Variants in NUMA1 observed in about 807,000 individuals in gnomAD.
NUMA1 encodes the protein SP-H antigen.
Under a neutral mutation model 237.1 loss-of-function variants are expected in NUMA1, and 62 were observed. The observed-to-expected ratio is 0.26, with a 90% CI of 0.21 to 0.32. NUMA1 has a LOEUF of 0.32. Ranked by LOEUF, NUMA1 falls within the 10% of genes least tolerant of loss-of-function variation. The pLI is 1.00. For synonymous variants in NUMA1, 1,028 were observed against 1,066.1 expected (o/e 0.96, Z 0.70); for missense variants, 2,533 against 2,666.5 (o/e 0.95, Z 1.10).
At chr11:72,012,325 A>C in intron 16 of NUMA1, 76 bp downstream of exon 16, 3 of 1,410,702 alleles carry the variant, frequency 2.1e-6, no homozygotes, top group Non-Finnish European at 3.0e-6. Context: ...GGCGGAGGCA[A>C]GCTGCAGCCG....
At position 72,007,420 on chromosome 11, in the gene NUMA1, G is replaced by T. The variant is rs1955810184; in HGVS notation, c.5232C>A (p.Thr1744=). The T allele has an allele frequency of 6.2e-7, 1 of 1,613,434 alleles. No individual in the cohort carries two copies. The highest frequency in any genetic ancestry group is 2.2e-5 in the East Asian group (1 of 44,886). ...CAGGGACGCTGGTGCCGTCTGGCTG[G>T]GTACGAGGCAGCTTGCTATGGAAAG... is the stretch of plus-strand genomic sequence containing the variant. ...PLSITSKLPR[T]QPDGTSVPGE... The change falls in exon 21 of 27, where the codon ACC becomes ACA. Residue 1744 remains threonine (T), a synonymous_variant. Transcript: ENST00000393695.
Position 72,022,409 on chromosome 11 carries a change from A to T in NUMA1, c.302T>A (p.Leu101Gln). The T allele has an allele frequency of 6.2e-7, 1 of 1,612,968 alleles. No individual in the cohort carries two copies. Among genetic ancestry groups the T allele is most frequent in the Non-Finnish European group, 8.5e-7 (1 of 1,179,276 alleles). ...GCTCATGGTAGAGTGGTATAAGAGC[A>T]GCATGGTCATCTAGAAGCCAAACAG... ...SELELAKMTM[L>Q]LLYHSTMSSK... Residue 101 changes from leucine to glutamine, a missense_variant, in exon 7 of 27, where the codon CTG becomes CAG. Leu to Gln is a moderately radical substitution (Grantham distance 113). Coordinates refer to ENST00000393695, the MANE Select transcript of NUMA1 (RefSeq NM_006185.4).
At chr11:72,008,088 C>T in intron 20 of NUMA1, 1 of 477,892 alleles carries the variant, frequency 2.1e-6, no homozygotes, top group Non-Finnish European at 4.2e-6. Flanking sequence ...CAGAATAAAC[C>T]TACCTCAGAG....
In NUMA1 at chr11:72,075,669, A is replaced by AAT. The variant is rs60048911; in HGVS notation, c.-103+4787_-103+4788dup. Among the ~76,000 whole-genome samples the AAT allele has an allele frequency of 5.2e-3, 793 of 152,330 alleles. 13 individuals carry two copies. Among genetic ancestry groups the AAT allele is most frequent in the African/African-American group, 0.017 (723 of 41,570 alleles). ...GCAGTTATTATATTGAAGTTACTTT[A>AAT]ATATTCCCTTTCTGCTTTTTCAGCC... On this transcript the variant is annotated intron_variant, in intron 1 of 26. Transcript: ENST00000393695.
intron 4 of NUMA1, 118 bp downstream of exon 4, chr11:72,029,087 C>G: frequency 1.4e-6 from 1 of 697,764 alleles, no homozygotes; most frequent in Non-Finnish European, 2.4e-6. Context: ...TTATGATGTC[C>G]CAATCCTTCC....
At chr11:72,047,404 C>T (rs1942062932) in intron 2 of NUMA1, among the ~76,000 whole-genome samples, 1 of 152,076 alleles carries the variant, frequency 6.6e-6, no homozygotes, top group African/African-American at 2.4e-5. Context: ...GGGAGGATTG[C>T]TTGAGTCCAG....
At chr11:72,010,494 GTAGC>G (rs998953451) in intron 17 of NUMA1, among the ~76,000 whole-genome samples, 1 of 152,242 alleles carries the variant, frequency 6.6e-6, no homozygotes, top group African/African-American at 2.4e-5. Flanking sequence ...GGGGCACAGT[GTAGC>G]TAGTGTGATT....
chr11:72,025,944 A>G (rs757277640), intron 4 of NUMA1, among the ~76,000 whole-genome samples: 23 of 152,186 alleles, frequency 1.5e-4, no homozygotes, highest in Non-Finnish European at 3.1e-4. Flanking sequence ...GTGTAGAGCA[A>G]TATTTACCTC....
chr11:72,033,408 A>G (rs965608757), intron 3 of NUMA1, among the ~76,000 whole-genome samples: 5 of 143,332 alleles, frequency 3.5e-5, no homozygotes, highest in African/African-American at 1.4e-4. Flanking sequence ...CTTTCACTCT[A>G]TTGTCCAGGC....
In NUMA1 at chr11:72,003,947, G is replaced by A; in HGVS notation, c.6276C>T (p.Thr2092=). 4 of 1,613,642 alleles carry A rather than the reference G, an allele frequency of 2.5e-6. No homozygotes were observed. The highest frequency in any genetic ancestry group is 3.4e-6 in the Non-Finnish European group (4 of 1,179,794). Residue 2092 remains threonine, a synonymous_variant, in exon 26 of 27, where the codon ACC becomes ACT. Coordinates refer to ENST00000393695, the MANE Select transcript of NUMA1 (RefSeq NM_006185.4). ...CAGCAGTGGCGGCGCTGGCTGTGGT[G>A]GTGGCAATGCGCGGAGAACGGCGGG... The part of the protein sequence containing the change: ...SGTRRSPRIA[T]TTASAATAAA...
intron 2 of NUMA1, chr11:72,048,046 TG>T (rs1228066046): frequency 6.6e-6 from 1 of 152,162 alleles, no homozygotes; most frequent in Non-Finnish European, 1.5e-5. Context: ...GTGACCTACG[TG>T]ATCTAGTCAT....
At position 72,005,302 on chromosome 11, in the gene NUMA1, A is replaced by G. The variant is rs750785987; in HGVS notation, c.5760T>C (p.Ile1920=). The change falls in exon 23 of 27, where the codon ATT becomes ATC. Residue 1920 remains isoleucine, a synonymous_variant. Coordinates refer to ENST00000393695, the MANE Select transcript of NUMA1 (RefSeq NM_006185.4). Reference sequence around the variant, plus strand: ...CTCGATTGCGCTGCTGCAGCTCTGCAATGCGGTTCCAGTCATCCAGCTGCT... The same window carrying G: ...CTCGATTGCGCTGCTGCAGCTCTGCGATGCGGTTCCAGTCATCCAGCTGCT... ...EPEQLDDWNR[I]AELQQRNRVC... is the part of the protein sequence containing the mutation. 6.2e-5 allele frequency: 99 copies of G among 1,608,974 alleles called. No individual in the cohort carries two copies. The highest frequency in any genetic ancestry group is 8.2e-5 in the Non-Finnish European group (96 of 1,177,744).
chr11:72,043,638 A>G (rs562803969), intron 2 of NUMA1, among the ~76,000 whole-genome samples: 2 of 151,188 alleles, frequency 1.3e-5, no homozygotes, highest in Admixed American at 6.6e-5. Context: ...AAGCCCTGGG[A>G]TACAGGCATG....
rs1955980518 is a variant in NUMA1, at chr11:72,009,317, T to C, written c.4790A>G (p.Gln1597Arg). 2 of 1,613,494 alleles carry C rather than the reference T, an allele frequency of 1.2e-6. No homozygotes were observed. Among genetic ancestry groups the C allele is most frequent in the Admixed American group, 3.3e-5 (2 of 59,988 alleles). The change falls in exon 18 of 27, where the codon CAA becomes CGA. Residue 1597 changes from glutamine (Q) to arginine (R), a missense_variant. Around this residue, in one of 3 missense-constraint regions of NUMA1, gnomAD observed 795 missense variants for 750.8 expected, o/e 1.06. Coordinates refer to ENST00000393695, the MANE Select transcript of NUMA1 (RefSeq NM_006185.4). ...QRLQAQLNEL[Q>R]AQLSQKEQAA... Reference sequence around the variant, plus strand: ...CTGCTCCTTCTGGCTCAACTGGGCTTGCAGTTCATTCAGCTGGGCCTGGAG... The same window carrying C: ...CTGCTCCTTCTGGCTCAACTGGGCTCGCAGTTCATTCAGCTGGGCCTGGAG...
intron 13 of NUMA1, 193 bp downstream of exon 13, chr11:72,017,494 G>GC: frequency 1.9e-6 from 1 of 536,118 alleles, no homozygotes; most frequent in Non-Finnish European, 3.2e-6. Context: ...GGCATTGACT[G>GC]GGGAAAAAAA....
rs369982404 is a variant in NUMA1 at position 72,004,835 on chromosome 11, T to C, written c.5830-19A>G. On this transcript the variant is annotated intron_variant, in intron 23 of 26. Coordinates refer to ENST00000393695, the MANE Select transcript of NUMA1 (RefSeq NM_006185.4). ...GGGAAGGCTGCATGGGTGGAAGAGG[T>C]GGTCAGTGGACCATAGCTGTATGGA... 44 of 1,550,594 alleles carry C rather than the reference T, an allele frequency of 2.8e-5. No individual in the cohort carries two copies. Among genetic ancestry groups the C allele is most frequent in the Non-Finnish European group, 3.6e-5 (41 of 1,150,396 alleles).
rs928096839 is a variant in NUMA1, at chr11:72,017,335, C to T, written c.1119+352G>A. On this transcript the variant is annotated intron_variant, in intron 13 of 26. Transcript: ENST00000393695. ...CACGATGTGTGAAGTGCTTTACATA[C>T]GTTTTCTCATAATAGGTGATGAGGC... 11 of 343,534 alleles carry T rather than the reference C, an allele frequency of 3.2e-5. No individual in the cohort carries two copies. In the East Asian group the frequency reaches 4.7e-4, roughly 15 times the overall value. 21.3% of individuals were successfully genotyped at this position (343,534 alleles called of 1,614,324 possible).
intron 5 of NUMA1, 98 bp from the exon 6 acceptor site, chr11:72,023,245 G>C (rs1939136597): frequency 3.4e-6 from 3 of 875,198 alleles, no homozygotes; most frequent in Non-Finnish European, 3.8e-6. Flanking sequence ...GGCTATCTCT[G>C]GTGGGGCTAT....
intron 16 of NUMA1, chr11:72,012,178 C>G: frequency 1.9e-6 from 1 of 540,100 alleles, no homozygotes; most frequent in Non-Finnish European, 3.3e-6. Flanking sequence ...AGAGAAGGTG[C>G]AGAAGGGTGG....
Sources: allele counts gnomAD v4.1 joint callset (sites outside exome capture counted in the v4.1 genomes callset), GRCh38; gene constraint gnomAD v4.1.1; regional missense constraint gnomAD v4.1.1; transcripts MANE v1.5; gene names NCBI Gene and HGNC (gene_info 2026-07-23, HGNC 2026-07-21).